The following SCRG1 variants were observed in gnomAD, a reference collection of about 807,000 sequenced individuals.
SCRG1 encodes scrapie-responsive protein 1.
In SCRG1, 3 loss-of-function variants were observed where a neutral mutation model predicts 7.7. That is an observed-to-expected ratio of 0.39 (90% confidence interval 0.18 to 1.01). SCRG1 has a LOEUF of 1.01. Ranked by LOEUF, SCRG1 falls within the 50% of genes least tolerant of loss-of-function variation. The pLI, the probability that SCRG1 is intolerant of heterozygous loss-of-function variation, is 0.36. For synonymous variants in SCRG1, 46 were observed against 41.2 expected (o/e 1.12, Z -0.44); for missense variants, 110 against 117.2 (o/e 0.94, Z 0.28).
rs1739261602 is a variant in SCRG1, at chr4:173,386,818, A to C, written c.*1523T>G. The C allele has an allele frequency of 6.6e-6, 1 of 152,208 alleles. No individual in the cohort carries two copies. Among genetic ancestry groups the C allele is most frequent in the South Asian group, 2.1e-4 (1 of 4,824 alleles). 9.4% of individuals were successfully genotyped at this position (152,208 alleles called of 1,614,324 possible). A position where few individuals can be genotyped will look rare whatever the true frequency, so the allele number is the denominator to read the frequency against. ...AAATAATTACTTGTTTATAGCAATC[A>C]CACCTTTGTTAGAGCACAAGTTCCA... On this transcript the variant is annotated 3_prime_UTR_variant, in exon 3 of 3. Transcript: ENST00000296506.
At chr4:173,504,164 G>T in the SCRG1 span, among the ~76,000 whole-genome samples, 7 of 151,690 alleles carry the variant, frequency 4.6e-5, no homozygotes, top group South Asian at 2.1e-4. This position sits in a 1 kb window ranked among gnomAD's most constrained non-coding sequence, Gnocchi z 4.7. Context: ...AACTACATTG[G>T]TTTTTTTTCA....
chr4:173,442,861 G>T, the SCRG1 span, among the ~76,000 whole-genome samples: 1 of 152,054 alleles, frequency 6.6e-6, no homozygotes, highest in Non-Finnish European at 1.5e-5. Flanking sequence ...ATGAGGTCAG[G>T]GTCCTCACAA....
chr4:173,406,094 C>G (rs1739897515), intron 1 of SCRG1, among the ~76,000 whole-genome samples: 1 of 152,196 alleles, frequency 6.6e-6, no homozygotes, highest in Non-Finnish European at 1.5e-5. Flanking sequence ...TATTCTGATG[C>G]CTCCAACTCT....
intron 1 of SCRG1, among the ~76,000 whole-genome samples, chr4:173,396,277 G>A (rs1479167224): frequency 6.6e-6 from 1 of 152,208 alleles, no homozygotes; most frequent in Non-Finnish European, 1.5e-5. Flanking sequence ...AGTTGAATGT[G>A]AGTCTAAAGA....
At chr4:173,514,839 T>A in the SCRG1 span, among the ~76,000 whole-genome samples, 1 of 152,218 alleles carries the variant, frequency 6.6e-6, no homozygotes, top group Non-Finnish European at 1.5e-5. Context: ...ACTCTTACAG[T>A]GAAGTTCAAA....
the SCRG1 span, among the ~76,000 whole-genome samples, chr4:173,508,503 C>T: frequency 6.6e-6 from 1 of 152,288 alleles, no homozygotes; most frequent in East Asian, 1.9e-4. This position sits in a 1 kb window ranked among gnomAD's most constrained non-coding sequence, Gnocchi z 4.4. Context: ...CCTTCCGGAC[C>T]TCTGCAGTCC....
the SCRG1 span, among the ~76,000 whole-genome samples, chr4:173,483,277 A>G: frequency 8.4e-4 from 34 of 40,572 alleles, no homozygotes; most frequent in Non-Finnish European, 1.3e-3. Flanking sequence ...TATGATATAT[A>G]ATATATGATA....
the SCRG1 span, among the ~76,000 whole-genome samples, chr4:173,489,462 C>T: frequency 6.6e-6 from 1 of 151,984 alleles, no homozygotes; most frequent in African/African-American, 2.4e-5. Context: ...GTCCATTTTT[C>T]CACTTCTTTC....
the SCRG1 span, among the ~76,000 whole-genome samples, chr4:173,442,727 G>A: frequency 2.6e-5 from 4 of 152,296 alleles, no homozygotes; most frequent in East Asian, 7.7e-4. Flanking sequence ...GGGCCTTCTT[G>A]CTGTGTCATA....
At chr4:173,453,935 A>T in the SCRG1 span, among the ~76,000 whole-genome samples, 1 of 152,042 alleles carries the variant, frequency 6.6e-6, no homozygotes, top group African/African-American at 2.4e-5. Context: ...AAAATTAGCC[A>T]GGCATGGTGG....
At chr4:173,416,917 C>A in the SCRG1 span, among the ~76,000 whole-genome samples, 52 of 20,062 alleles carry the variant, frequency 2.6e-3, no homozygotes, top group Non-Finnish European at 5.6e-3. Flanking sequence ...CCCAAACACA[C>A]ACACACACAC....
At chr4:173,440,999 C>T in the SCRG1 span, among the ~76,000 whole-genome samples, 1 of 151,956 alleles carries the variant, frequency 6.6e-6, no homozygotes, top group Non-Finnish European at 1.5e-5. Flanking sequence ...TCTGAAAGTA[C>T]TCATTTCCAA....
chr4:173,515,722 T>C, the SCRG1 span, among the ~76,000 whole-genome samples: 1 of 152,098 alleles, frequency 6.6e-6, no homozygotes, highest in South Asian at 2.1e-4. The surrounding 1 kb of genome is among the most constrained non-coding windows in gnomAD (Gnocchi z 4.6). Flanking sequence ...CAGGTGGCCC[T>C]CTGTGCCTAG....
At chr4:173,474,428 A>C in the SCRG1 span, among the ~76,000 whole-genome samples, 1 of 152,234 alleles carries the variant, frequency 6.6e-6, no homozygotes, top group African/African-American at 2.4e-5. Flanking sequence ...AGAACATCAG[A>C]AAGTTATGAA....
the SCRG1 span, among the ~76,000 whole-genome samples, chr4:173,467,405 G>A: frequency 5.8e-3 from 876 of 152,200 alleles, 4 homozygotes; most frequent in African/African-American, 0.02. Flanking sequence ...CAAGAGACAG[G>A]CAAGCACACA....
chr4:173,427,111 G>A, the SCRG1 span, among the ~76,000 whole-genome samples: 1 of 152,156 alleles, frequency 6.6e-6, no homozygotes, highest in East Asian at 1.9e-4. Flanking sequence ...AAAATGTGTT[G>A]AGTGACTTTT....
At chr4:173,447,574 G>A in the SCRG1 span, among the ~76,000 whole-genome samples, 1 of 152,168 alleles carries the variant, frequency 6.6e-6, no homozygotes, top group Admixed American at 6.5e-5. Flanking sequence ...TTGTAAATAA[G>A]GCTTAACAAA....
chr4:173,418,997 G>T, the SCRG1 span, among the ~76,000 whole-genome samples: 2 of 152,112 alleles, frequency 1.3e-5, no homozygotes, highest in Admixed American at 6.5e-5. Context: ...GTAGTTCCTT[G>T]TAGCGATTTG....
At chr4:173,446,133 G>T in the SCRG1 span, among the ~76,000 whole-genome samples, 1 of 152,008 alleles carries the variant, frequency 6.6e-6, no homozygotes. Context: ...TAAGATAATG[G>T]TTTCCCTTTT....
Sources: gnomAD v4.1 joint callset for allele counts (sites outside exome capture counted in the v4.1 genomes callset) on GRCh38, gnomAD v4.1.1 for gene constraint, Gnocchi (gnomAD v3.1) non-coding constraint, MANE v1.5 for transcripts, NCBI Gene and HGNC (gene_info 2026-07-23, HGNC 2026-07-21) for gene names.